The following DTX4 variants were observed in gnomAD, a reference collection of about 807,000 sequenced individuals.
DTX4 encodes E3 ubiquitin-protein ligase DTX4.
DTX4 carries 28 observed loss-of-function variants against 57.6 expected under a neutral mutation model. That is an observed-to-expected ratio of 0.49 (90% confidence interval 0.36 to 0.67). DTX4 has a LOEUF of 0.67. Among genes scored for constraint, DTX4 ranks in the 30% least tolerant of loss-of-function variants. The probability of loss-of-function intolerance (pLI) is 0.00; values close to 1 mark genes in which losing one functional copy is unlikely to be tolerated. For missense variants in DTX4, 715 were observed against 836.8 expected (o/e 0.85, Z 1.80); for synonymous variants, 316 against 331.0 (o/e 0.95, Z 0.49).
At chr11:59,181,099 C>T (rs1555023411) in intron 1 of DTX4, among the ~76,000 whole-genome samples, 1 of 152,118 alleles carries the variant, frequency 6.6e-6, no homozygotes, top group Non-Finnish European at 1.5e-5. Context: ...TCTGGGCAGC[C>T]TTCCCGCATG....
Position 59,199,688 on chromosome 11 carries a change from C to A in DTX4, c.1541C>A (p.Pro514Gln). 1 of 1,573,360 alleles carries A rather than the reference C, an allele frequency of 6.4e-7. No individual in the cohort carries two copies. The highest frequency in any genetic ancestry group is 8.6e-7 in the Non-Finnish European group (1 of 1,159,098). The stretch of plus-strand genomic sequence containing the variant: ...TTGCTTGCTTTCTGCTTTCAGGGAC[C>A]GGAACACCCGAATCCTGGGAAGAGT... ...IYSIPPGIQG[P>Q]EHPNPGKSFS... is the part of the protein sequence containing the mutation. The change falls in exon 8 of 9, where the codon CCG becomes CAG. Residue 514 changes from proline (P) to glutamine (Q), a missense_variant. Transcript: ENST00000227451.
chr11:59,203,504 C>A (rs1862764342), intron 8 of DTX4, among the ~76,000 whole-genome samples: 1 of 152,130 alleles, frequency 6.6e-6, no homozygotes, highest in African/African-American at 2.4e-5. Context: ...CATATCTTAT[C>A]CTGCTGGAAG....
intron 2 of DTX4, among the ~76,000 whole-genome samples, chr11:59,188,231 G>A (rs1306740931): frequency 6.6e-6 from 1 of 152,116 alleles, no homozygotes; most frequent in Non-Finnish European, 1.5e-5. Context: ...AGGATCCTAA[G>A]TAGAGCAGGA....
At chr11:59,192,295 T>A in intron 6 of DTX4, 45 bp downstream of exon 6, 1 of 1,610,398 alleles carries the variant, frequency 6.2e-7, no homozygotes, top group Admixed American at 1.7e-5. Flanking sequence ...CACACTGGGC[T>A]CTGGAGTAGC....
At chr11:59,191,653 T>A (rs1862600464) in intron 5 of DTX4, among the ~76,000 whole-genome samples, 1 of 152,192 alleles carries the variant, frequency 6.6e-6, no homozygotes, top group Non-Finnish European at 1.5e-5. Context: ...AGAATTGTCC[T>A]CCCCAAAATG....
intron 6 of DTX4, among the ~76,000 whole-genome samples, chr11:59,193,994 T>C (rs931991405): frequency 1.2e-4 from 19 of 152,140 alleles, no homozygotes; most frequent in African/African-American, 4.6e-4. Flanking sequence ...CCCCTCCTTT[T>C]TGCGAGCCTG....
chr11:59,182,521 G>A, intron 2 of DTX4, 59 bp downstream of exon 2: 1 of 1,474,834 alleles, frequency 6.8e-7, no homozygotes, highest in Non-Finnish European at 9.0e-7. Context: ...GGCTACAGCA[G>A]ATCTTCTGGA....
At chr11:59,189,139 C>T in intron 3 of DTX4, 23 bp from the exon 4 acceptor site, 3 of 1,612,238 alleles carry the variant, frequency 1.9e-6, no homozygotes, top group Non-Finnish European at 2.5e-6. Context: ...AGTCTTTCCT[C>T]ACCCATGCCC....
At chr11:59,189,463 G>T (rs1368837541) in intron 4 of DTX4, 140 bp downstream of exon 4, 1 of 797,026 alleles carries the variant, frequency 1.3e-6, no homozygotes, top group Non-Finnish European at 2.0e-6. Flanking sequence ...GGCCTAACCA[G>T]TAAATCTTGA....
intron 1 of DTX4, among the ~76,000 whole-genome samples, chr11:59,174,501 G>GAAAAAAAAAA (rs71036507): frequency 9.3e-5 from 11 of 118,056 alleles, no homozygotes; most frequent in Admixed American, 1.7e-4. Flanking sequence ...TCCAGTCCTG[G>GAAAAAAAAAA]AAAAAAAAAA....
chr11:59,190,092 C>G (rs1396955401), intron 4 of DTX4, among the ~76,000 whole-genome samples: 1 of 152,162 alleles, frequency 6.6e-6, no homozygotes, highest in Non-Finnish European at 1.5e-5. Context: ...TTAATTCTTA[C>G]AAGAGAAGCA....
At chr11:59,190,808 C>A (rs576123613) in intron 4 of DTX4, among the ~76,000 whole-genome samples, 12 of 152,276 alleles carry the variant, frequency 7.9e-5, no homozygotes, top group Non-Finnish European at 1.5e-4. Flanking sequence ...GTTATCAAAT[C>A]ATTTGATTAT....
chr11:59,182,579 CCCTGGCTGCAGGTGAAGGTGGTGCA>C, intron 2 of DTX4, 117 bp downstream of exon 2: 5 of 1,367,882 alleles, frequency 3.7e-6, no homozygotes, highest in East Asian at 2.5e-5. Flanking sequence ...TTGTGCTGAC[CCCTGGCTGCAGGTGAAGGTGGTGCA>C]CCTGGCTGCA....
intron 1 of DTX4, among the ~76,000 whole-genome samples, chr11:59,173,792 G>C (rs1437794167): frequency 6.6e-6 from 1 of 152,108 alleles, no homozygotes; most frequent in East Asian, 1.9e-4. Flanking sequence ...TGGGGAGTGG[G>C]GGTGCTGCCC....
rs1326590418 is a variant in DTX4 at position 59,172,679 on chromosome 11, C to G, written c.84C>G (p.His28Gln). 3 of 1,600,808 alleles carry G rather than the reference C, an allele frequency of 1.9e-6. No homozygotes were observed. The highest frequency in any genetic ancestry group is 1.7e-5 in the Admixed American group (1 of 59,318). ...RWRPYSPAVS[H>Q]HIEAVVRAGP... Reference sequence around the variant, plus strand: ...GTCCCTACAGCCCAGCGGTGAGCCACCACATCGAGGCGGTGGTCCGCGCCG... The same window carrying G: ...GTCCCTACAGCCCAGCGGTGAGCCAGCACATCGAGGCGGTGGTCCGCGCCG... Residue 28 changes from histidine to glutamine, a missense_variant, in exon 1 of 9, where the codon CAC (histidine) becomes CAG (glutamine). Physicochemically the swap from His to Gln is conservative, Grantham distance 24. Coordinates refer to ENST00000227451, the MANE Select transcript of DTX4 (RefSeq NM_015177.2).
rs1485723346 is a variant in DTX4, at chr11:59,207,704, T to A, written c.*2795T>A. On this transcript the variant is annotated 3_prime_UTR_variant, in exon 9 of 9. Transcript: ENST00000227451. ...AGGGGATTCCATGCCTTCCCTTTCATGGTCTTAGCACCAGCAGCCTAGTTT... is the reference window on the plus strand; with the variant it reads ...AGGGGATTCCATGCCTTCCCTTTCAAGGTCTTAGCACCAGCAGCCTAGTTT... 1 of 152,694 alleles carries A rather than the reference T, an allele frequency of 6.5e-6. No homozygotes were observed. Among genetic ancestry groups the A allele is most frequent in the African/African-American group, 2.4e-5 (1 of 41,450 alleles). The allele number at this position is 152,694 out of a possible 1,614,324, so 9.5% of individuals were successfully genotyped here. A position where few individuals can be genotyped will look rare whatever the true frequency, so the allele number is the denominator to read the frequency against.
chr11:59,200,643 A>G (rs1446513432), intron 8 of DTX4, among the ~76,000 whole-genome samples: 1 of 152,210 alleles, frequency 6.6e-6, no homozygotes, highest in Non-Finnish European at 1.5e-5. Context: ...AAGGGCAGAG[A>G]AAACAATCAT....
Position 59,207,080 on chromosome 11 carries a change from G to T in DTX4, c.*2171G>T, listed in dbSNP as rs1214043882. The T allele has an allele frequency of 6.6e-6, 1 of 152,244 alleles. No homozygotes were observed. The highest frequency in any genetic ancestry group is 1.5e-5 in the Non-Finnish European group (1 of 68,082). 9.4% of individuals were successfully genotyped at this position (152,244 alleles called of 1,614,324 possible). On this transcript the variant is annotated 3_prime_UTR_variant, in exon 9 of 9. Transcript: ENST00000227451. Reference sequence around the variant, plus strand: ...AGAGCCTCATGCCGTCTCTACCTTCGCACACTGGTCAAGTATCTGCTGAGC... The same window carrying T: ...AGAGCCTCATGCCGTCTCTACCTTCTCACACTGGTCAAGTATCTGCTGAGC...
At position 59,199,752 on chromosome 11, in the gene DTX4, G is replaced by C. The variant is rs200166889; in HGVS notation, c.1605G>C (p.Pro535=). 3.8e-6 allele frequency: 6 copies of C among 1,566,662 alleles called. No individual in the cohort carries two copies. The Admixed American group carries it at 9.4e-5, about 24-fold the overall frequency. Residue 535 remains proline, a synonymous_variant, in exon 8 of 9, where the codon CCG becomes CCC. Transcript: ENST00000227451. The part of the protein sequence containing the change: ...ARGFPRHCYL[P]DSEKGRKVLK... ...GCTTCCCACGACACTGTTACCTTCC[G>C]GACAGCGAGAAAGGGAGAAAAGTAA...
Sources: allele counts gnomAD v4.1 joint callset (sites outside exome capture counted in the v4.1 genomes callset), GRCh38; gene constraint gnomAD v4.1.1; transcripts MANE v1.5; gene names NCBI Gene and HGNC (gene_info 2026-07-23, HGNC 2026-07-21).